Variants in PCDHA2 observed in about 807,000 individuals in gnomAD.
PCDHA2 encodes the protein protocadherin alpha-2.
A neutral mutation model predicts 66.0 loss-of-function variants in PCDHA2; 58 were observed. The observed-to-expected ratio is 0.88, with a 90% CI of 0.71 to 1.09. PCDHA2 has a LOEUF of 1.09. Ranked by LOEUF, PCDHA2 falls within the 50% of genes least tolerant of loss-of-function variation. PCDHA2 has a pLI of 0.00. For missense variants in PCDHA2, 1,267 were observed against 1,242.3 expected, an observed-to-expected ratio of 1.02 and a Z score of -0.30; for synonymous variants, 634 against 554.0, an observed-to-expected ratio of 1.14 and a Z score of -2.03.
At chr5:140,834,970 T>A (rs2150229489) in intron 1 of PCDHA2, 1 of 1,502,862 alleles carries the variant, frequency 6.7e-7, no homozygotes, top group Non-Finnish European at 9.0e-7. Context: ...GGACTTGTAT[T>A]ACGGAAACTT....
intron 1 of PCDHA2, chr5:140,808,331 A>C (rs782169287): frequency 6.2e-6 from 10 of 1,614,132 alleles, no homozygotes; most frequent in African/African-American, 4.0e-5. Context: ...CATGGGTGTC[A>C]ATGGGCTGGT....
chr5:140,828,828 A>G (rs2150159417), intron 1 of PCDHA2: 3 of 1,614,222 alleles, frequency 1.9e-6, no homozygotes, highest in Non-Finnish European at 1.7e-6. Context: ...GAACAGTCTG[A>G]ATACGAAGTA....
chr5:140,956,749 G>A (rs1179471294), intron 1 of PCDHA2, among the ~76,000 whole-genome samples: 5 of 152,144 alleles, frequency 3.3e-5, no homozygotes, highest in African/African-American at 1.2e-4. Context: ...ACCTCTGATA[G>A]AATTCAGCTG....
chr5:140,822,407 T>C (rs2150116149), intron 1 of PCDHA2: 1 of 1,614,074 alleles, frequency 6.2e-7, no homozygotes, highest in Non-Finnish European at 8.5e-7. Context: ...CGTTTATTAG[T>C]GATTGCAACT....
rs1554123890 is a variant in PCDHA2 at position 140,807,338 on chromosome 5, G to A, written c.2388+9986G>A. 8 of 1,613,420 alleles carry A rather than the reference G, an allele frequency of 5.0e-6. No individual in the cohort carries two copies. The South Asian group carries it at 8.8e-5, about 18-fold the overall frequency. On this transcript the variant is annotated intron_variant, in intron 1 of 3. Transcript: ENST00000526136. The stretch of plus-strand genomic sequence containing the variant: ...CACCTTCGTGGGCCGCATCGCGCAG[G>A]ACCTGGGACTGGAGCTGGCGGAGCT...
intron 1 of PCDHA2, among the ~76,000 whole-genome samples, chr5:140,920,225 G>A (rs80019196): frequency 2.9e-3 from 441 of 151,762 alleles, no homozygotes; most frequent in African/African-American, 0.01. Flanking sequence ...CACATTTATA[G>A]TATTATATAC....
At chr5:140,864,124 T>C (rs528215401) in intron 1 of PCDHA2, 4 of 152,368 alleles carry the variant, frequency 2.6e-5, no homozygotes, top group South Asian at 2.1e-4. Flanking sequence ...TGAATTAGAC[T>C]GAGTGGCTGT....
chr5:140,976,556 T>G (rs2096722872), intron 1 of PCDHA2, among the ~76,000 whole-genome samples: 1 of 151,920 alleles, frequency 6.6e-6, no homozygotes, highest in African/African-American at 2.4e-5. Flanking sequence ...ATCTCATAAA[T>G]AAATAAATAA....
intron 3 of PCDHA2, among the ~76,000 whole-genome samples, chr5:140,991,067 A>C (rs2097429962): frequency 6.6e-6 from 1 of 152,184 alleles, no homozygotes; most frequent in Admixed American, 6.5e-5. Flanking sequence ...TATTATTCCC[A>C]TGTTTCAGAT....
chr5:140,964,631 T>C (rs1415762552), intron 1 of PCDHA2, among the ~76,000 whole-genome samples: 1 of 152,074 alleles, frequency 6.6e-6, no homozygotes, highest in African/African-American at 2.4e-5. Flanking sequence ...ATAAGCCATT[T>C]ATTTTCAGAA....
chr5:141,000,393 CTCTA>C (rs1240848742), intron 3 of PCDHA2, among the ~76,000 whole-genome samples: 128 of 52,788 alleles, frequency 2.4e-3, no homozygotes, highest in Admixed American at 6.8e-3. Context: ...CTCTCTCTCT[CTCTA>C]TATATATATA....
In PCDHA2 at chr5:140,828,703, A is replaced by C. The variant is rs1438120324; in HGVS notation, c.2388+31351A>C. The stretch of plus-strand genomic sequence containing the variant: ...TAAAGAAATCCTTGGACAGAGAGGA[A>C]GCTCCTGCACACAACTTATTCCTGA... On this transcript the variant is annotated intron_variant, in intron 1 of 3. Coordinates refer to ENST00000526136, the MANE Select transcript of PCDHA2 (RefSeq NM_018905.3). The C allele has an allele frequency of 1.3e-5, 21 of 1,614,248 alleles. 1 individual carries two copies. The African/African-American group carries it at 1.6e-4, about 12-fold the overall frequency.
chr5:140,967,425 C>G, intron 1 of PCDHA2: 2 of 1,613,296 alleles, frequency 1.2e-6, no homozygotes, highest in Non-Finnish European at 1.7e-6. Context: ...CGGGAGCAGG[C>G]AGCCTTGCAC....
intron 1 of PCDHA2, chr5:140,927,446 T>C (rs1554204540): frequency 6.2e-7 from 1 of 1,614,128 alleles, no homozygotes; most frequent in Non-Finnish European, 8.5e-7. Flanking sequence ...TACCCGGAGT[T>C]GGTGTTGGAG....
At chr5:140,869,392 G>A in intron 1 of PCDHA2, 1 of 1,614,164 alleles carries the variant, frequency 6.2e-7, no homozygotes, top group Non-Finnish European at 8.5e-7. Context: ...GGAGCTGTGC[G>A]GGCAGAGCGC....
At position 140,843,162 on chromosome 5, in the gene PCDHA2, C is replaced by G; in HGVS notation, c.2388+45810C>G. 1.9e-6 allele frequency: 3 copies of G among 1,596,122 alleles called. 1 individual carries two copies. The highest frequency in any genetic ancestry group is 2.6e-6 in the Non-Finnish European group (3 of 1,165,610). ...TGGCTTTCGTATGAGCTGCAGCCAG[C>G]TGCAAGCAGCCCTCGCATCCCGTTC... On this transcript the variant is annotated intron_variant, in intron 1 of 3. Coordinates refer to ENST00000526136, the MANE Select transcript of PCDHA2 (RefSeq NM_018905.3).
chr5:140,856,497 G>T (rs782069130), intron 1 of PCDHA2: 1 of 1,598,346 alleles, frequency 6.3e-7, no homozygotes. Flanking sequence ...CTTGACTCTC[G>T]ATTTCCACTA....
At chr5:140,967,609 C>T (rs1026350659) in intron 1 of PCDHA2, 26 of 1,614,056 alleles carry the variant, frequency 1.6e-5, no homozygotes, top group Middle Eastern at 1.6e-4. Flanking sequence ...AGCTGAATGC[C>T]TCAGACCCGG....
chr5:140,835,875 C>T (rs1356053208), intron 1 of PCDHA2: 3 of 1,611,846 alleles, frequency 1.9e-6, no homozygotes, highest in African/African-American at 2.7e-5. Flanking sequence ...GGTGGAGCTG[C>T]GGGTGGGCGA....
Sources: gnomAD v4.1 joint callset for allele counts (sites outside exome capture counted in the v4.1 genomes callset) on GRCh38, gnomAD v4.1.1 for gene constraint, MANE v1.5 for transcripts, NCBI Gene and HGNC (gene_info 2026-07-23, HGNC 2026-07-21) for gene names.